Variants in COL8A1 observed in about 807,000 individuals in gnomAD.
COL8A1 encodes collagen type VIII alpha 1 chain, also known as collagen alpha-1(VIII) chain.
COL8A1 carries 21 observed loss-of-function variants against 42.7 expected under a neutral mutation model. The observed-to-expected ratio is 0.49, with a 90% CI of 0.35 to 0.71. The LOEUF (loss-of-function observed/expected upper bound fraction) is 0.71. Among genes scored for constraint, COL8A1 ranks in the 30% least tolerant of loss-of-function variants. The pLI is 0.01. For missense variants in COL8A1, 788 were observed against 962.4 expected (o/e 0.82, Z 2.40); for synonymous variants, 367 against 369.1 (o/e 0.99, Z 0.06).
intron 2 of COL8A1, among the ~76,000 whole-genome samples, chr3:99,776,775 T>C (rs1419665388): frequency 6.6e-6 from 1 of 152,208 alleles, no homozygotes; most frequent in Admixed American, 6.5e-5. Flanking sequence ...TTCTTGATTA[T>C]ATGCTAAACA....
At chr3:99,639,653 G>A (rs1937465404) in intron 1 of COL8A1, among the ~76,000 whole-genome samples, 1 of 152,188 alleles carries the variant, frequency 6.6e-6, no homozygotes, top group Admixed American at 6.5e-5. Context: ...GTGCACCTGT[G>A]AAAGGAAAAA....
intron 2 of COL8A1, among the ~76,000 whole-genome samples, chr3:99,756,055 A>G (rs1941247952): frequency 6.6e-6 from 1 of 152,052 alleles, no homozygotes; most frequent in Non-Finnish European, 1.5e-5. Context: ...CCAGTGACTC[A>G]GGATACATTT....
At chr3:99,674,627 A>C (rs1938639235) in intron 1 of COL8A1, among the ~76,000 whole-genome samples, 2 of 152,024 alleles carry the variant, frequency 1.3e-5, no homozygotes, top group South Asian at 4.1e-4. Context: ...CCACCTGGAA[A>C]AAATGCTAGA....
rs1942148553 is a variant in COL8A1, at chr3:99,798,950, A to C, written c.*2814A>C. 1 of 152,234 alleles carries C rather than the reference A, an allele frequency of 6.6e-6. No homozygotes were observed. The highest frequency in any genetic ancestry group is 2.4e-5 in the African/African-American group (1 of 41,452). The allele number at this position is 152,234 out of a possible 1,614,324, so 9.4% of individuals were successfully genotyped here. On this transcript the variant is annotated 3_prime_UTR_variant, in exon 4 of 4. Transcript: ENST00000652472. ...ATAATCCCTATTTAGTTCAAAATTA[A>C]CCAGAATTCTTCCATGTGAAATGGA...
At chr3:99,676,521 G>A (rs1417727337) in intron 1 of COL8A1, among the ~76,000 whole-genome samples, 1 of 152,072 alleles carries the variant, frequency 6.6e-6, no homozygotes, top group Non-Finnish European at 1.5e-5. Context: ...CAGAAAAGGG[G>A]TTTGATAACA....
At chr3:99,645,986 T>C (rs1255350832) in intron 1 of COL8A1, among the ~76,000 whole-genome samples, 1 of 151,818 alleles carries the variant, frequency 6.6e-6, no homozygotes, top group Non-Finnish European at 1.5e-5. Context: ...GGAAGGGAGC[T>C]GGGAGAAAAA....
chr3:99,715,804 G>A (rs957890563), intron 1 of COL8A1, among the ~76,000 whole-genome samples: 3 of 151,882 alleles, frequency 2.0e-5, no homozygotes, highest in Admixed American at 6.6e-5. Flanking sequence ...TGCATCACTC[G>A]CAAGTGGGAA....
chr3:99,708,533 GC>G (rs71625535), intron 1 of COL8A1, among the ~76,000 whole-genome samples: 12,928 of 151,988 alleles, frequency 0.085, 632 homozygotes, highest in Middle Eastern at 0.11. Flanking sequence ...CACTTCCTCC[GC>G]CCTTCTTTGA....
At chr3:99,783,782 A>G (rs969804247) in intron 2 of COL8A1, among the ~76,000 whole-genome samples, 2 of 152,208 alleles carry the variant, frequency 1.3e-5, no homozygotes, top group Admixed American at 6.5e-5. Flanking sequence ...CTTTTAAACC[A>G]TCAGATCTCA....
At chr3:99,741,647 T>C (rs1446665749) in intron 1 of COL8A1, among the ~76,000 whole-genome samples, 1 of 152,200 alleles carries the variant, frequency 6.6e-6, no homozygotes, top group East Asian at 1.9e-4. Flanking sequence ...TGAGATTTGC[T>C]GGCATTGTCA....
chr3:99,732,496 G>C (rs34303842), intron 1 of COL8A1, among the ~76,000 whole-genome samples: 33,146 of 151,936 alleles, frequency 0.22, 4,232 homozygotes, highest in African/African-American at 0.34. Context: ...GGGGGAAAAG[G>C]CCCTTATAAA....
chr3:99,694,021 T>A (rs1228805692), intron 1 of COL8A1, among the ~76,000 whole-genome samples: 2 of 152,202 alleles, frequency 1.3e-5, no homozygotes, highest in African/African-American at 4.8e-5. Flanking sequence ...GCTGTACAAG[T>A]TTGTAGCCTA....
chr3:99,774,133 C>G (rs892722476), intron 2 of COL8A1, among the ~76,000 whole-genome samples: 1 of 151,288 alleles, frequency 6.6e-6, no homozygotes, highest in Non-Finnish European at 1.5e-5. Context: ...GCTTGAGCCA[C>G]CACGCCCAAC....
At position 99,794,944 on chromosome 3, in the gene COL8A1, C is replaced by A; in HGVS notation, c.1043C>A (p.Pro348Gln). ...LPGLPGPPGL[P>Q]GIGKPGFPGP... The stretch of plus-strand genomic sequence containing the variant: ...GGGCTACCAGGACCCCCAGGCCTTC[C>A]AGGGATTGGGAAACCAGGCTTCCCA... Residue 348 changes from proline to glutamine, a missense_variant, in exon 4 of 4, where the codon CCA becomes CAA. By Grantham distance (76) the Pro-to-Gln change is moderately conservative (BLOSUM62 -1). Transcript: ENST00000652472. This position sits in a 1 kb window ranked among gnomAD's most constrained non-coding sequence, Gnocchi z 4.3. The A allele has an allele frequency of 6.3e-7, 1 of 1,594,542 alleles. No individual in the cohort carries two copies. The highest frequency in any genetic ancestry group is 8.5e-7 in the Non-Finnish European group (1 of 1,171,088).
chr3:99,664,516 CTCAAAT>C (rs1411633058), intron 1 of COL8A1, among the ~76,000 whole-genome samples: 1 of 151,944 alleles, frequency 6.6e-6, no homozygotes. Flanking sequence ...AAACTTCAAC[CTCAAAT>C]TCAATGCAAA....
chr3:99,726,984 A>G (rs1300637422), intron 1 of COL8A1, among the ~76,000 whole-genome samples: 1 of 151,290 alleles, frequency 6.6e-6, no homozygotes, highest in African/African-American at 2.4e-5. Context: ...ATGGCATTGA[A>G]TCTTTAAATT....
chr3:99,742,322 T>A (rs1007280337), intron 1 of COL8A1, among the ~76,000 whole-genome samples: 1 of 152,236 alleles, frequency 6.6e-6, no homozygotes, highest in Non-Finnish European at 1.5e-5. Flanking sequence ...TAAATAATTC[T>A]TGCTTAGTAC....
At chr3:99,714,885 G>C (rs1194077663) in intron 1 of COL8A1, among the ~76,000 whole-genome samples, 1 of 152,062 alleles carries the variant, frequency 6.6e-6, no homozygotes, top group Non-Finnish European at 1.5e-5. Flanking sequence ...AAGCCCCTCT[G>C]AGGAAATAAC....
intron 1 of COL8A1, among the ~76,000 whole-genome samples, chr3:99,711,912 G>A (rs145572781): frequency 3.4e-4 from 51 of 152,004 alleles, no homozygotes; most frequent in African/African-American, 1.1e-3. Context: ...GGCTGGTGGG[G>A]GAAAAAAAGC....
Sources: gnomAD v4.1 joint callset for allele counts (sites outside exome capture counted in the v4.1 genomes callset) on GRCh38, gnomAD v4.1.1 for gene constraint, Gnocchi (gnomAD v3.1) non-coding constraint, MANE v1.5 for transcripts, NCBI Gene and HGNC (gene_info 2026-07-23, HGNC 2026-07-21) for gene names.